Variants in CYGB observed in about 807,000 individuals in gnomAD.
CYGB encodes the protein cytoglobin, also known as histoglobin.
CYGB carries 13 observed loss-of-function variants against 20.7 expected under a neutral mutation model. That is an observed-to-expected ratio of 0.63 (90% CI 0.41 to 1.00). The LOEUF (loss-of-function observed/expected upper bound fraction) is 1.00, where lower values mean the gene tolerates loss of function less well. Among genes scored for constraint, CYGB ranks in the 50% least tolerant of loss-of-function variants. The pLI, the probability that CYGB is intolerant of heterozygous loss-of-function variation, is 0.00. For missense variants in CYGB, 218 were observed against 257.2 expected (o/e 0.85, Z 1.04); for synonymous variants, 93 against 107.4 (o/e 0.87, Z 0.83).
upstream of CYGB, among the ~76,000 whole-genome samples, chr17:76,542,225 C>G (rs2075000327): frequency 6.6e-6 from 1 of 152,162 alleles, no homozygotes; most frequent in South Asian, 2.1e-4. Flanking sequence ...AAGGCCAAAT[C>G]TGAGGACCAT....
rs2278639 is a variant in CYGB, at chr17:76,544,410, C to T, written c.-53+6452G>A. Reference sequence around the variant, plus strand: ...AGAGCAGAGGGAACCGCTGGGGAGGCGCTCAGGGTGGGGGAGGAGGTGCAC... The same window carrying T: ...AGAGCAGAGGGAACCGCTGGGGAGGTGCTCAGGGTGGGGGAGGAGGTGCAC... On this transcript the variant is annotated intron_variant, in intron 1 of 3. Coordinates refer to the CYGB transcript ENST00000589145. The T allele has an allele frequency of 0.25, 112,440 of 454,642 alleles. 15,448 individuals are homozygous for T. The highest frequency in any genetic ancestry group is 0.39 in the South Asian group (24,971 of 64,476). 28.2% of individuals were successfully genotyped at this position (454,642 alleles called of 1,614,324 possible). A position where few individuals can be genotyped will look rare whatever the true frequency, so the allele number is the denominator to read the frequency against.
chr17:76,528,985 G>A lies in CYGB; in HGVS notation c.540-374C>T, dbSNP rs567395786. 44 of 1,015,698 alleles carry A rather than the reference G, an allele frequency of 4.3e-5. No individual in the cohort carries two copies. The highest frequency in any genetic ancestry group is 4.8e-5 in the Non-Finnish European group (41 of 850,486). The allele number at this position is 1,015,698 out of a possible 1,614,324, so 62.9% of individuals were successfully genotyped here. A position where few individuals can be genotyped will look rare whatever the true frequency, so the allele number is the denominator to read the frequency against. ...TGTCCGGCCTGTCTCGTCCCTCCTC[G>A]GGCCACCCATCTGTATTCTCGTATT... On this transcript the variant is annotated intron_variant, in intron 3 of 3. Transcript: ENST00000293230. The surrounding 1 kb of genome is among the most constrained non-coding windows in gnomAD (Gnocchi z 5.8).
rs1598199045 is a variant in CYGB at position 76,528,040 on chromosome 17, A to C, written c.*538T>G. 1 of 353,564 alleles carries C rather than the reference A, an allele frequency of 2.8e-6. No homozygotes were observed. Among genetic ancestry groups the C allele is most frequent in the Non-Finnish European group, 5.4e-6 (1 of 183,538 alleles). 21.9% of individuals were successfully genotyped at this position (353,564 alleles called of 1,614,324 possible). A position where few individuals can be genotyped will look rare whatever the true frequency, so the allele number is the denominator to read the frequency against. On this transcript the variant is annotated 3_prime_UTR_variant, in exon 4 of 4. Transcript: ENST00000293230. This position sits in a 1 kb window ranked among gnomAD's most constrained non-coding sequence, Gnocchi z 5.8. Reference sequence around the variant, plus strand: ...ACACTCTGTTCTCTGCACAACCGGAACCCCTCCCTGCCCCACTCACAGGTG... The same window carrying C: ...ACACTCTGTTCTCTGCACAACCGGACCCCCTCCCTGCCCCACTCACAGGTG...
At chr17:76,541,187 G>A (rs2074988751), upstream of CYGB, among the ~76,000 whole-genome samples, 1 of 152,304 alleles carries the variant, frequency 6.6e-6, no homozygotes, top group Admixed American at 6.5e-5. Flanking sequence ...GACCAGTGTC[G>A]TTCGATGATA....
rs1223132001 is a variant in CYGB at position 76,531,966 on chromosome 17, CT to C, written c.144-276del. The C allele has an allele frequency of 2.8e-6, 1 of 358,970 alleles. No homozygotes were observed. The highest frequency in any genetic ancestry group is 2.0e-5 in the African/African-American group (1 of 49,526). The allele number at this position is 358,970 out of a possible 1,614,324, so 22.2% of individuals were successfully genotyped here. ...CTCTGTCTTCCTCGCTTCTTGCTTCCTTCCCAAACTCTACACCCCCTTCAAG... is the reference window on the plus strand; with the variant it reads ...CTCTGTCTTCCTCGCTTCTTGCTTCCTCCCAAACTCTACACCCCCTTCAAG... On this transcript the variant is annotated intron_variant, in intron 1 of 3. Transcript: ENST00000293230. This position sits in a 1 kb window ranked among gnomAD's most constrained non-coding sequence, Gnocchi z 7.4.
At position 76,546,459 on chromosome 17, in the gene CYGB, T is replaced by TGA; in HGVS notation, c.-53+4402_-53+4403insTC. ...TGTGTGTGTGTGTGGTTTGTGTGTG[T>TGA]GTGTGTGTGTGTGCGCGCAGTCCTG... is the stretch of plus-strand genomic sequence containing the variant. On this transcript the variant is annotated intron_variant, in intron 1 of 3. Transcript: ENST00000589145. This position sits in a 1 kb window ranked among gnomAD's most constrained non-coding sequence, Gnocchi z 4.5. 1 of 150,562 alleles carries TGA rather than the reference T, an allele frequency of 6.6e-6. No homozygotes were observed. The highest frequency in any genetic ancestry group is 2.5e-5 in the African/African-American group (1 of 40,218). 9.3% of individuals were successfully genotyped at this position (150,562 alleles called of 1,614,324 possible). A position where few individuals can be genotyped will look rare whatever the true frequency, so the allele number is the denominator to read the frequency against.
chr17:76,535,919 G>A (rs1392888308), intron 1 of CYGB, among the ~76,000 whole-genome samples: 1 of 152,248 alleles, frequency 6.6e-6, no homozygotes, highest in African/African-American at 2.4e-5. Context: ...CTTCTTCATG[G>A]TGACCCATGA....
upstream of CYGB, chr17:76,540,647 A>G (rs982529026): frequency 6.8e-7 from 1 of 1,470,182 alleles, no homozygotes; most frequent in South Asian, 1.2e-5. This position sits in a 1 kb window ranked among gnomAD's most constrained non-coding sequence, Gnocchi z 5.0. Context: ...CTGGGGGTGC[A>G]CGTGTGTGCC....
At chr17:76,542,833 TGA>T (rs1289777699) in intron 1 of CYGB, among the ~76,000 whole-genome samples, 1 of 152,128 alleles carries the variant, frequency 6.6e-6, no homozygotes, top group Non-Finnish European at 1.5e-5. Context: ...GGGGCAAGGA[TGA>T]GTTTGAAGAG....
intron 1 of CYGB, chr17:76,542,888 C>A: frequency 1.7e-6 from 1 of 591,878 alleles, no homozygotes; most frequent in South Asian, 1.6e-5. Context: ...TTGGGGATGG[C>A]GAGGTGGTCG....
Position 76,537,606 on chromosome 17 carries a change from G to T in CYGB, c.-64C>A. On this transcript the variant is annotated 5_prime_UTR_variant, in exon 1 of 4. Coordinates refer to ENST00000293230, the MANE Select transcript of CYGB (RefSeq NM_134268.5). Reference sequence around the variant, plus strand: ...GCGGTGGCGGGGCGCGGGGCGCGGGGCGCGGGGCGCCGGGAGCCGGGGCCG... The same window carrying T: ...GCGGTGGCGGGGCGCGGGGCGCGGGTCGCGGGGCGCCGGGAGCCGGGGCCG... 9.5e-7 allele frequency: 1 copy of T among 1,049,846 alleles called. No homozygotes were observed. 65.0% of individuals were successfully genotyped at this position (1,049,846 alleles called of 1,614,324 possible). A position where few individuals can be genotyped will look rare whatever the true frequency, so the allele number is the denominator to read the frequency against.
chr17:76,531,662 T>A lies in CYGB; in HGVS notation c.173A>T (p.Gln58Leu), dbSNP rs775812375. The change falls in exon 2 of 4, where the codon CAG (glutamine) becomes CTG (leucine). Residue 58 changes from glutamine (Q) to leucine (L), a missense_variant. This residue lies in a region of CYGB where 152 missense variants were observed against 149.9 expected (regional missense o/e 1.01). Transcript: ENST00000293230. The surrounding 1 kb of genome is among the most constrained non-coding windows in gnomAD (Gnocchi z 7.4). ...RFFVNFPSAK[Q>L]YFSQFKHMED... Reference sequence around the variant, plus strand: ...CATGTGCTTGAACTGGCTGAAGTACTGCTTGGCCGAGGGGAAGTTCACAAA... The same window carrying A: ...CATGTGCTTGAACTGGCTGAAGTACAGCTTGGCCGAGGGGAAGTTCACAAA... 2 of 1,600,914 alleles carry A rather than the reference T, an allele frequency of 1.2e-6. No homozygotes were observed. The highest frequency in any genetic ancestry group is 1.7e-6 in the Non-Finnish European group (2 of 1,168,916).
Position 76,531,393 on chromosome 17 carries a change from G to T in CYGB, c.375+67C>A. ...TGTTGCTCCAGAGAGCCGTCGCAGA[G>T]CCTGCGAGCTGCAGATGGCCATGAC... On this transcript the variant is annotated intron_variant, in intron 2 of 3. Coordinates refer to ENST00000293230, the MANE Select transcript of CYGB (RefSeq NM_134268.5). This position sits in a 1 kb window ranked among gnomAD's most constrained non-coding sequence, Gnocchi z 7.4. The T allele has an allele frequency of 6.5e-7, 1 of 1,545,272 alleles. No homozygotes were observed. The highest frequency in any genetic ancestry group is 8.8e-7 in the Non-Finnish European group (1 of 1,130,642).
rs1461558480 is a variant in CYGB, at chr17:76,535,862, C to T, written c.143+1538G>A. On this transcript the variant is annotated intron_variant, in intron 1 of 3. Transcript: ENST00000293230. ...TCCACGTATCCGCACAGGTACCTGG[C>T]AGGGGTTGGGACACAAAACCTCCAA... is the stretch of plus-strand genomic sequence containing the variant. Among the ~76,000 whole-genome samples the T allele has an allele frequency of 5.3e-5, 8 of 152,328 alleles. No homozygotes were observed. The East Asian group carries it at 1.5e-3, about 29-fold the overall frequency.
chr17:76,547,660 CACAT>C (rs1202873799), intron 1 of CYGB, among the ~76,000 whole-genome samples: 9 of 139,596 alleles, frequency 6.4e-5, no homozygotes, highest in South Asian at 2.3e-4. Context: ...CACACACACA[CACAT>C]ATTCACACAC....
chr17:76,531,582 C>T lies in CYGB; in HGVS notation c.253G>A (p.Val85Ile), dbSNP rs1050578466. The T allele has an allele frequency of 6.2e-7, 1 of 1,614,080 alleles. No individual in the cohort carries two copies. The highest frequency in any genetic ancestry group is 8.5e-7 in the Non-Finnish European group (1 of 1,179,902). ...ACGACAGTGTTGAGGGCCCCCATGA[C>T]TCGGCAGGCGTGCTTCCGCAGCTGG... is the stretch of plus-strand genomic sequence containing the variant. ...SPQLRKHACR[V>I]MGALNTVVEN... Residue 85 changes from valine (V) to isoleucine (I), a missense_variant, in exon 2 of 4, where the codon GTC (valine) becomes ATC (isoleucine). Physicochemically the swap from Val to Ile is conservative, Grantham distance 29 (BLOSUM62 3). Transcript: ENST00000293230. The surrounding 1 kb of genome is among the most constrained non-coding windows in gnomAD (Gnocchi z 7.4).
At chr17:76,540,656 C>A (rs2074981280), upstream of CYGB, 1 of 1,300,270 alleles carries the variant, frequency 7.7e-7, no homozygotes, top group Non-Finnish European at 1.1e-6. This position sits in a 1 kb window ranked among gnomAD's most constrained non-coding sequence, Gnocchi z 5.0. Context: ...CACGTGTGTG[C>A]CTGTGCGCGC....
rs1409202591 is a variant in CYGB at position 76,546,478 on chromosome 17, A to G, written c.-53+4384T>C. On this transcript the variant is annotated intron_variant, in intron 1 of 3. Coordinates refer to the CYGB transcript ENST00000589145. The surrounding 1 kb of genome is among the most constrained non-coding windows in gnomAD (Gnocchi z 4.5). ...TGTGTGTGTGTGTGTGTGTGCGCGC[A>G]GTCCTGGGCAAGGGCAAACAGTACA... The G allele has an allele frequency of 6.7e-6, 1 of 148,200 alleles. No homozygotes were observed. The highest frequency in any genetic ancestry group is 1.5e-5 in the Non-Finnish European group (1 of 67,812). The allele number at this position is 148,200 out of a possible 1,614,324, so 9.2% of individuals were successfully genotyped here. A position where few individuals can be genotyped will look rare whatever the true frequency, so the allele number is the denominator to read the frequency against.
chr17:76,546,392 G>T lies in CYGB; in HGVS notation c.-53+4470C>A. The T allele has an allele frequency of 6.6e-6, 1 of 152,326 alleles. No individual in the cohort carries two copies. The highest frequency in any genetic ancestry group is 1.5e-5 in the Non-Finnish European group (1 of 68,128). The allele number at this position is 152,326 out of a possible 1,614,324, so 9.4% of individuals were successfully genotyped here. On this transcript the variant is annotated intron_variant, in intron 1 of 3. Transcript: ENST00000589145. This position sits in a 1 kb window ranked among gnomAD's most constrained non-coding sequence, Gnocchi z 4.5. Reference sequence around the variant, plus strand: ...CTGTCCACTGTCACCCTGGGGTGTAGATGTCACCTTGGGGAGTACCCACCC... The same window carrying T: ...CTGTCCACTGTCACCCTGGGGTGTATATGTCACCTTGGGGAGTACCCACCC...
Sources: gnomAD v4.1 joint callset for allele counts (sites outside exome capture counted in the v4.1 genomes callset) on GRCh38, gnomAD v4.1.1 for gene constraint, gnomAD v4.1.1 regional missense constraint, Gnocchi (gnomAD v3.1) non-coding constraint, MANE v1.5 for transcripts, NCBI Gene and HGNC (gene_info 2026-07-23, HGNC 2026-07-21) for gene names.